Variants in SGCD observed in about 807,000 individuals in gnomAD.
The protein encoded by SGCD is sarcoglycan delta.
SGCD carries 18 observed loss-of-function variants against 36.6 expected under a neutral mutation model. That is an observed-to-expected ratio of 0.49 (90% confidence interval 0.34 to 0.73). The LOEUF is 0.73. Ranked by LOEUF, SGCD falls within the 30% of genes least tolerant of loss-of-function variation. The pLI is 0.01. For synonymous variants in SGCD, 133 were observed against 130.6 expected (o/e 1.02, Z -0.12); for missense variants, 387 against 346.7 (o/e 1.12, Z -0.92).
At position 156,404,641 on chromosome 5, in the gene SGCD, A is replaced by G. The variant is rs547910921; in HGVS notation, c.192+59964A>G. On this transcript the variant is annotated intron_variant, in intron 3 of 8. Coordinates refer to ENST00000337851, the MANE Select transcript of SGCD (RefSeq NM_000337.6). ...CAGCTTCTGTCTCAAAACACTTTAT[A>G]TGTATACCCTTTCTCAAAATGCAAT... Among the ~76,000 whole-genome samples the G allele has an allele frequency of 1.3e-4, 20 of 152,300 alleles. No individual in the cohort carries two copies. The South Asian group carries it at 4.1e-3, about 32-fold the overall frequency.
intron 1 of SGCD, among the ~76,000 whole-genome samples, chr5:155,898,912 C>T (rs563265157): frequency 1.3e-5 from 2 of 152,266 alleles, no homozygotes; most frequent in South Asian, 2.1e-4. Context: ...ATGTGGCTCA[C>T]GGGCTACTTC....
rs549205944 is a variant in SGCD at position 155,994,613 on chromosome 5, G to C, written c.-281-123265G>C. Among the ~76,000 whole-genome samples, 28 of 152,260 alleles carry C rather than the reference G, an allele frequency of 1.8e-4. 1 individual carries two copies. The highest frequency in any genetic ancestry group is 6.5e-4 in the Admixed American group (10 of 15,300). The stretch of plus-strand genomic sequence containing the variant: ...GCTATTTACCAGCTTTGGTATCTCT[G>C]GAAAACAACCACCTGACTTTTCCTA... On this transcript the variant is annotated intron_variant, in intron 1 of 9. Transcript: ENST00000517913.
intron 1 of SGCD, among the ~76,000 whole-genome samples, chr5:155,994,338 G>A (rs576328412): frequency 6.6e-6 from 1 of 152,178 alleles, no homozygotes; most frequent in Non-Finnish European, 1.5e-5. Flanking sequence ...GGTCTTACAT[G>A]GAAGCATTTA....
At chr5:156,689,880 G>A (rs17053760) in intron 7 of SGCD, among the ~76,000 whole-genome samples, 5,277 of 152,246 alleles carry the variant, frequency 0.035, 141 homozygotes, top group Middle Eastern at 0.088. Flanking sequence ...ATAAAGACAC[G>A]AAACACTTGC....
At chr5:156,494,362 A>G (rs531179388) in intron 3 of SGCD, among the ~76,000 whole-genome samples, 60 of 149,058 alleles carry the variant, frequency 4.0e-4, no homozygotes, top group African/African-American at 1.5e-3. Context: ...GAGGACTCTA[A>G]CACTCACACC....
At chr5:156,176,412 C>A (rs2127624514) in intron 3 of SGCD, among the ~76,000 whole-genome samples, 1 of 152,148 alleles carries the variant, frequency 6.6e-6, no homozygotes, top group Admixed American at 6.5e-5. Context: ...AACCTTATGC[C>A]ATTTTTTGAT....
chr5:156,623,652 T>G (rs77300409), intron 6 of SGCD, among the ~76,000 whole-genome samples: 4 of 152,192 alleles, frequency 2.6e-5, no homozygotes, highest in Non-Finnish European at 4.4e-5. Context: ...TTAAAGTACT[T>G]GTATTATATC....
chr5:155,952,341 C>T (rs1757564096), intron 1 of SGCD, among the ~76,000 whole-genome samples: 1 of 152,010 alleles, frequency 6.6e-6, no homozygotes, highest in Admixed American at 6.6e-5. Flanking sequence ...TGTTTTCCTG[C>T]TCCTGAGGAA....
At chr5:156,413,730 C>T (rs1356260449) in intron 3 of SGCD, among the ~76,000 whole-genome samples, 1 of 152,214 alleles carries the variant, frequency 6.6e-6, no homozygotes, top group Non-Finnish European at 1.5e-5. Context: ...TTACCTCTTT[C>T]TTGAGCCTTC....
chr5:156,060,172 C>T (rs958499632), intron 1 of SGCD, among the ~76,000 whole-genome samples: 1 of 146,658 alleles, frequency 6.8e-6, no homozygotes, highest in Middle Eastern at 3.6e-3. Context: ...ACTTCATTAA[C>T]ATCCTGTCCT....
In SGCD at chr5:156,628,709, T is replaced by A. The variant is rs149922540; in HGVS notation, c.503-18755T>A. ...CACCAAACCTCAGAAAAGAAATAAC[T>A]AGTTTTACAGTTGTCTACTCAATAA... On this transcript the variant is annotated intron_variant, in intron 6 of 8. Coordinates refer to ENST00000337851, the MANE Select transcript of SGCD (RefSeq NM_000337.6). 1.3e-3 allele frequency among the ~76,000 whole-genome samples: 200 copies of A among 152,346 alleles called. 1 individual carries two copies. Among genetic ancestry groups the A allele is most frequent in the African/African-American group, 4.7e-3 (195 of 41,580 alleles).
chr5:156,091,258 A>G (rs1205423268), intron 1 of SGCD, among the ~76,000 whole-genome samples: 6 of 152,228 alleles, frequency 3.9e-5, no homozygotes, highest in Non-Finnish European at 7.3e-5. Flanking sequence ...GAACTAATAA[A>G]TGTCCATGAA....
chr5:156,000,680 A>G (rs1422179655), intron 1 of SGCD, among the ~76,000 whole-genome samples: 1 of 151,982 alleles, frequency 6.6e-6, no homozygotes, highest in East Asian at 1.9e-4. Context: ...CCCAGGGCAG[A>G]AGCCCCTCCG....
upstream of SGCD, among the ~76,000 whole-genome samples, chr5:155,869,205 A>G (rs1755583490): frequency 6.6e-6 from 1 of 152,160 alleles, no homozygotes; most frequent in Non-Finnish European, 1.5e-5. Flanking sequence ...TTTATTTACT[A>G]GAAGCAACCC....
chr5:155,774,131 C>T, the SGCD span, among the ~76,000 whole-genome samples: 84 of 152,168 alleles, frequency 5.5e-4, no homozygotes, highest in South Asian at 0.015. Context: ...AAATTTTATT[C>T]GAATTCCACA....
At chr5:155,865,455 G>A (rs1755505417), upstream of SGCD, among the ~76,000 whole-genome samples, 2 of 152,076 alleles carry the variant, frequency 1.3e-5, no homozygotes, top group African/African-American at 2.4e-5. Context: ...AAGGGAATGG[G>A]CATTTTAATA....
At chr5:156,265,856 G>A (rs2127667183) in intron 3 of SGCD, among the ~76,000 whole-genome samples, 1 of 152,216 alleles carries the variant, frequency 6.6e-6, no homozygotes, top group Admixed American at 6.6e-5. Flanking sequence ...TGGGATATCT[G>A]AGGGTAATTG....
the SGCD span, among the ~76,000 whole-genome samples, chr5:155,847,299 C>G: frequency 1.4e-4 from 21 of 152,290 alleles, no homozygotes; most frequent in African/African-American, 5.1e-4. Flanking sequence ...TCCCCAACAT[C>G]ACATACCTGG....
At chr5:156,691,857 A>G (rs1475826036) in intron 7 of SGCD, among the ~76,000 whole-genome samples, 1 of 152,226 alleles carries the variant, frequency 6.6e-6, no homozygotes, top group African/African-American at 2.4e-5. Flanking sequence ...AAATGTATGT[A>G]TATTAGCACC....
Sources: gnomAD v4.1 joint callset for allele counts (sites outside exome capture counted in the v4.1 genomes callset) on GRCh38, gnomAD v4.1.1 for gene constraint, MANE v1.5 for transcripts, NCBI Gene and HGNC (gene_info 2026-07-23, HGNC 2026-07-21) for gene names.